Variants in SNX18 observed in about 807,000 individuals in gnomAD.
The protein encoded by SNX18 is sorting nexin-18.
In SNX18, 35 loss-of-function variants were observed where a neutral mutation model predicts 48.7. That is an observed-to-expected ratio of 0.72 (90% confidence interval 0.55 to 0.95). The LOEUF is 0.95. Among genes scored for constraint, SNX18 ranks in the 40% least tolerant of loss-of-function variants. The probability of loss-of-function intolerance (pLI) is 0.00; values close to 1 mark genes in which losing one functional copy is unlikely to be tolerated. For missense variants in SNX18, 824 were observed against 871.0 expected (o/e 0.95, Z 0.68); for synonymous variants, 492 against 384.7 (o/e 1.28, Z -3.26).
chr5:54,546,966 T>C (rs1762585293), downstream of SNX18, among the ~76,000 whole-genome samples: 1 of 152,246 alleles, frequency 6.6e-6, no homozygotes, highest in African/African-American at 2.4e-5. Flanking sequence ...AGCCAAAATA[T>C]AATAGCTACG....
intron 1 of SNX18, among the ~76,000 whole-genome samples, chr5:54,534,521 T>A (rs1341870016): frequency 6.6e-6 from 1 of 151,790 alleles, no homozygotes; most frequent in African/African-American, 2.4e-5. Flanking sequence ...GGGCCTTGCC[T>A]GGTTAAAATG....
At chr5:54,537,834 C>T (rs890262207) in intron 1 of SNX18, among the ~76,000 whole-genome samples, 6 of 152,190 alleles carry the variant, frequency 3.9e-5, no homozygotes, top group South Asian at 2.1e-4. Context: ...TTACACTCCT[C>T]GGGTTTGGTT....
chr5:54,540,285 G>A (rs894348375), intron 1 of SNX18, among the ~76,000 whole-genome samples: 5 of 151,398 alleles, frequency 3.3e-5, no homozygotes, highest in East Asian at 1.9e-4. Flanking sequence ...CTGTGATCAC[G>A]GCTCATTGCA....
Position 54,519,274 on chromosome 5 carries a change from G to C in SNX18, c.1322G>C (p.Ser441Thr). ...TGCTTCACCAAGAAGATGGACGACA[G>C]CGCGCTGCAGCTCAACCACACGGCC... is the stretch of plus-strand genomic sequence containing the variant. Reference protein sequence around the residue: ...FKCFTKKMDDSALQLNHTANE... With the variant: ...FKCFTKKMDDTALQLNHTANE... The change falls in exon 1 of 2, where the codon AGC (serine) becomes ACC (threonine). Residue 441 changes from serine to threonine, a missense_variant. Ser to Thr is a moderately conservative substitution (Grantham distance 58). Coordinates refer to ENST00000381410, the MANE Select transcript of SNX18 (RefSeq NM_001102575.2). The C allele has an allele frequency of 6.2e-7, 1 of 1,614,150 alleles. No individual in the cohort carries two copies. The highest frequency in any genetic ancestry group is 8.5e-7 in the Non-Finnish European group (1 of 1,180,036).
chr5:54,518,863 A>T lies in SNX18; in HGVS notation c.911A>T (p.His304Leu), dbSNP rs1006261399. The part of the protein sequence containing the change: ...SYISYKLVPT[H>L]TQVPVHRRYK... ...ATCTCCTACAAGCTGGTGCCCACGC[A>T]CACGCAGGTGCCGGTGCATCGGCGC... The change falls in exon 1 of 2, where the codon CAC (histidine) becomes CTC (leucine). Residue 304 changes from histidine (H) to leucine (L), a missense_variant. Physicochemically the swap from His to Leu is moderately conservative, Grantham distance 99. Transcript: ENST00000381410. 3.7e-6 allele frequency: 6 copies of T among 1,613,304 alleles called. No individual in the cohort carries two copies. The highest frequency in any genetic ancestry group is 5.1e-6 in the Non-Finnish European group (6 of 1,179,542).
the SNX18 span, among the ~76,000 whole-genome samples, chr5:54,610,219 A>T: frequency 6.6e-6 from 1 of 152,182 alleles, no homozygotes; most frequent in African/African-American, 2.4e-5. Context: ...ACAGTAATAC[A>T]GTATGACTTA....
chr5:54,625,523 G>C, the SNX18 span, among the ~76,000 whole-genome samples: 2 of 152,136 alleles, frequency 1.3e-5, no homozygotes, highest in African/African-American at 2.4e-5. Context: ...TCAGAGTGAA[G>C]GCTCTGAGGG....
At chr5:54,601,017 A>G in the SNX18 span, among the ~76,000 whole-genome samples, 1 of 152,188 alleles carries the variant, frequency 6.6e-6, no homozygotes, top group Non-Finnish European at 1.5e-5. Flanking sequence ...AAGATGAACT[A>G]TGGAAACTTT....
the SNX18 span, among the ~76,000 whole-genome samples, chr5:54,568,270 G>A: frequency 3.3e-5 from 5 of 152,194 alleles, no homozygotes; most frequent in Non-Finnish European, 5.9e-5. Context: ...TGAAGGAAAA[G>A]GATGTGCTTT....
At chr5:54,571,676 G>A in the SNX18 span, among the ~76,000 whole-genome samples, 1 of 152,194 alleles carries the variant, frequency 6.6e-6, no homozygotes, top group Non-Finnish European at 1.5e-5. Flanking sequence ...TGGTGTGAAT[G>A]GAAAGGTATT....
At chr5:54,646,720 C>A in the SNX18 span, among the ~76,000 whole-genome samples, 2 of 152,194 alleles carry the variant, frequency 1.3e-5, no homozygotes, top group Non-Finnish European at 2.9e-5. Context: ...ATGTGTTTAG[C>A]CAGTTCTAAG....
the SNX18 span, among the ~76,000 whole-genome samples, chr5:54,627,100 C>G: frequency 6.6e-6 from 1 of 152,200 alleles, no homozygotes; most frequent in East Asian, 1.9e-4. Flanking sequence ...ATCTGGTGTG[C>G]TAAGAAAAAT....
At chr5:54,561,631 C>T in the SNX18 span, among the ~76,000 whole-genome samples, 1 of 151,944 alleles carries the variant, frequency 6.6e-6, no homozygotes, top group Non-Finnish European at 1.5e-5. Context: ...TGAACAACCA[C>T]ACCTGGCTTG....
the SNX18 span, among the ~76,000 whole-genome samples, chr5:54,573,460 C>T: frequency 6.6e-6 from 1 of 152,186 alleles, no homozygotes; most frequent in African/African-American, 2.4e-5. Context: ...TGAGCCACTG[C>T]ACCCGGCCTC....
At chr5:54,635,036 C>T in the SNX18 span, among the ~76,000 whole-genome samples, 5 of 151,810 alleles carry the variant, frequency 3.3e-5, no homozygotes, top group Admixed American at 1.3e-4. Flanking sequence ...TGAACTTTGT[C>T]TCCAGAATAT....
chr5:54,580,961 G>A, the SNX18 span, among the ~76,000 whole-genome samples: 2 of 152,120 alleles, frequency 1.3e-5, no homozygotes, highest in Non-Finnish European at 2.9e-5. Flanking sequence ...GGGTTCTTCA[G>A]AGAAGGGCAA....
the SNX18 span, among the ~76,000 whole-genome samples, chr5:54,557,172 A>G: frequency 6.6e-6 from 1 of 152,232 alleles, no homozygotes; most frequent in Non-Finnish European, 1.5e-5. Context: ...TAACTTAATA[A>G]TTAGTTCATT....
At chr5:54,529,841 A>G (rs1762221247) in intron 1 of SNX18, among the ~76,000 whole-genome samples, 1 of 152,182 alleles carries the variant, frequency 6.6e-6, no homozygotes, top group Non-Finnish European at 1.5e-5. Flanking sequence ...ACAATAGCTG[A>G]TAATGCTGAA....
chr5:54,542,911 G>A (rs756847129), intron 1 of SNX18, among the ~76,000 whole-genome samples: 3 of 152,084 alleles, frequency 2.0e-5, no homozygotes, highest in Admixed American at 6.6e-5. Flanking sequence ...TCTCTACTTG[G>A]AAGAGATGGG....
Sources: gnomAD v4.1 joint callset for allele counts (sites outside exome capture counted in the v4.1 genomes callset) on GRCh38, gnomAD v4.1.1 for gene constraint, MANE v1.5 for transcripts, NCBI Gene and HGNC (gene_info 2026-07-23, HGNC 2026-07-21) for gene names.